DOC2B: variants seen among roughly 807,000 people sequenced by gnomAD.
The protein encoded by DOC2B is double C2 domain beta, also known as double C2-like domain-containing protein beta.
In DOC2B, 21 loss-of-function variants were observed where a neutral mutation model predicts 28.9. That is an observed-to-expected ratio of 0.73 (90% CI 0.52 to 1.05). The LOEUF is 1.05. Among genes scored for constraint, DOC2B ranks in the 50% least tolerant of loss-of-function variants. The pLI is 0.00. For synonymous variants in DOC2B, 194 were observed against 178.1 expected, an observed-to-expected ratio of 1.09 and a Z score of -0.71; for missense variants, 384 against 421.1, an observed-to-expected ratio of 0.91 and a Z score of 0.77.
At chr17:165,614 G>A (rs144220793) in intron 2 of DOC2B, among the ~76,000 whole-genome samples, 2,314 of 152,298 alleles carry the variant, frequency 0.015, 72 homozygotes, top group African/African-American at 0.053. Context: ...CTGCACGCCA[G>A]GCCCCCGTGA....
chr17:147,095 G>A lies in DOC2B; in HGVS notation c.*346C>T, dbSNP rs906304502. On this transcript the variant is annotated 3_prime_UTR_variant, in exon 9 of 9. Transcript: ENST00000613549. ...CTCTGTTCCCACTGTCCGCCAAGGC[G>A]CCCCCACACTCCTGTCCTCTCAGCC... is the stretch of plus-strand genomic sequence containing the variant. 449 of 220,752 alleles carry A rather than the reference G, an allele frequency of 2.0e-3. 2 individuals are homozygous for A. Among genetic ancestry groups the A allele is most frequent in the African/African-American group, 9.2e-3 (407 of 44,156 alleles). The allele number at this position is 220,752 out of a possible 1,614,324, so 13.7% of individuals were successfully genotyped here.
chr17:161,414 C>T lies in DOC2B; in HGVS notation c.765+1G>A. 1 of 1,551,666 alleles carries T rather than the reference C, an allele frequency of 6.4e-7. No individual in the cohort carries two copies. The highest frequency in any genetic ancestry group is 8.7e-7 in the Non-Finnish European group (1 of 1,146,970). On this transcript the variant is annotated splice_donor_variant, in intron 5 of 8. Transcript: ENST00000613549. LOFTEE classifies it high-confidence loss of function. Reference sequence around the variant, plus strand: ...AGCAGGTGCTCAATCAATCCTCTCACCGGCAGCTGCTTCTCCAGGCAGATG... The same window carrying T: ...AGCAGGTGCTCAATCAATCCTCTCATCGGCAGCTGCTTCTCCAGGCAGATG...
intron 3 of DOC2B, among the ~76,000 whole-genome samples, chr17:163,239 T>G (rs1441135562): frequency 6.6e-6 from 1 of 152,154 alleles, no homozygotes; most frequent in African/African-American, 2.4e-5. Flanking sequence ...CCCTCGGCCC[T>G]CATATCCCTG....
chr17:151,721 G>T (rs888680911), intron 6 of DOC2B, among the ~76,000 whole-genome samples: 2 of 152,224 alleles, frequency 1.3e-5, no homozygotes, highest in African/African-American at 4.8e-5. Flanking sequence ...GGGACAGAAG[G>T]GTCCTGCGTG....
At position 156,091 on chromosome 17, in the gene DOC2B, G is replaced by A. The variant is rs1054430425; in HGVS notation, c.923+129C>T. 24 of 1,062,696 alleles carry A rather than the reference G, an allele frequency of 2.3e-5. No homozygotes were observed. The African/African-American group carries it at 3.9e-4, about 17-fold the overall frequency. The allele number at this position is 1,062,696 out of a possible 1,614,324, so 65.8% of individuals were successfully genotyped here. ...CTGGAGTTGCCAAGGTAGCCCATCA[G>A]GGAACACAGCGCCCCTGTACCTCAG... On this transcript the variant is annotated intron_variant, in intron 6 of 8. Coordinates refer to ENST00000613549, the MANE Select transcript of DOC2B (RefSeq NM_003585.5).
chr17:169,294 C>T (rs2040285119), intron 2 of DOC2B, among the ~76,000 whole-genome samples: 1 of 151,880 alleles, frequency 6.6e-6, no homozygotes, highest in African/African-American at 2.4e-5. Context: ...CATGAGGTCC[C>T]TAGAATAGTC....
intron 2 of DOC2B, among the ~76,000 whole-genome samples, chr17:170,046 G>A (rs2040294121): frequency 6.6e-6 from 1 of 152,238 alleles, no homozygotes; most frequent in Non-Finnish European, 1.5e-5. Context: ...TGTCTGGCAT[G>A]GAGAGAGGAA....
chr17:154,919 G>A (rs996558924), intron 6 of DOC2B, among the ~76,000 whole-genome samples: 5 of 152,030 alleles, frequency 3.3e-5, no homozygotes, highest in East Asian at 3.9e-4. Context: ...TAGTAGAGAC[G>A]GGTTTCCCCA....
In DOC2B at chr17:145,124, G is replaced by C. The variant is rs1452734869; in HGVS notation, c.*2317C>G. On this transcript the variant is annotated 3_prime_UTR_variant, in exon 9 of 9. Coordinates refer to ENST00000613549, the MANE Select transcript of DOC2B (RefSeq NM_003585.5). The stretch of plus-strand genomic sequence containing the variant: ...GCTAGGGTGGGGTGGCTGAGTTTTG[G>C]GGCCAGGTTAGACACCTCTGGGGAA... The C allele has an allele frequency of 6.6e-6, 1 of 152,170 alleles. No homozygotes were observed. Among genetic ancestry groups the C allele is most frequent in the African/African-American group, 2.4e-5 (1 of 41,418 alleles). 9.4% of individuals were successfully genotyped at this position (152,170 alleles called of 1,614,324 possible). A position where few individuals can be genotyped will look rare whatever the true frequency, so the allele number is the denominator to read the frequency against.
chr17:165,917 G>T (rs923446798), intron 2 of DOC2B, among the ~76,000 whole-genome samples: 3 of 152,130 alleles, frequency 2.0e-5, no homozygotes, highest in Non-Finnish European at 2.9e-5. Context: ...TTTCCATTTG[G>T]GCCACGTTTC....
intron 6 of DOC2B, among the ~76,000 whole-genome samples, chr17:155,352 C>A (rs1555522291): frequency 6.6e-6 from 1 of 152,164 alleles, no homozygotes; most frequent in Non-Finnish European, 1.5e-5. Context: ...GCCCCTAGAG[C>A]TGTGCCACGA....
chr17:147,150 C>A lies in DOC2B; in HGVS notation c.*291G>T. ...CTGGCCTCTAGAAGGGTCTTTGCTC[C>A]CAGATGGGCGTGTCCCCTTCCCCTG... On this transcript the variant is annotated 3_prime_UTR_variant, in exon 9 of 9. Transcript: ENST00000613549. 2 of 319,312 alleles carry A rather than the reference C, an allele frequency of 6.3e-6. No individual in the cohort carries two copies. The highest frequency in any genetic ancestry group is 1.1e-5 in the Non-Finnish European group (2 of 176,172). The allele number at this position is 319,312 out of a possible 1,614,324, so 19.8% of individuals were successfully genotyped here. A position where few individuals can be genotyped will look rare whatever the true frequency, so the allele number is the denominator to read the frequency against.
chr17:172,082 G>C lies in DOC2B; in HGVS notation c.453+455C>G, dbSNP rs184795546. On this transcript the variant is annotated intron_variant, in intron 2 of 8. Transcript: ENST00000613549. ...CTCAGAGGGCCTCTGGGCTCAGGCC[G>C]TGGACACCCTGCCTGGAGTGGCATC... Among the ~76,000 whole-genome samples, 540 of 152,174 alleles carry C rather than the reference G, an allele frequency of 3.5e-3. 9 individuals are homozygous for C. Among genetic ancestry groups the C allele is most frequent in the African/African-American group, 0.012 (518 of 41,478 alleles).
rs766650216 is a variant in DOC2B, at chr17:156,520, T to C, written c.766-143A>G. On this transcript the variant is annotated intron_variant, in intron 5 of 8. Coordinates refer to ENST00000613549, the MANE Select transcript of DOC2B (RefSeq NM_003585.5). ...CCTGGTGAGTGGCCTCACTGTGAAC[T>C]CACAGCCCTTCTGTCATCTCTTCCC... 30 of 832,706 alleles carry C rather than the reference T, an allele frequency of 3.6e-5. No individual in the cohort carries two copies. In the Middle Eastern group the frequency reaches 1.0e-3, roughly 28 times the overall value. 51.6% of individuals were successfully genotyped at this position (832,706 alleles called of 1,614,324 possible).
intron 1 of DOC2B, among the ~76,000 whole-genome samples, chr17:173,121 G>A (rs547951388): frequency 5.9e-5 from 9 of 152,302 alleles, no homozygotes; most frequent in East Asian, 3.9e-4. Flanking sequence ...TCTCTGGCCC[G>A]TTGGGAACCC....
chr17:172,582 A>G lies in DOC2B; in HGVS notation c.408T>C (p.Tyr136=). ...ALGTLDFSLL[Y]DQENNALHCT... ...AGTGGAGGGCGTTGTTCTCCTGGTC[A>G]TACAGCAGGCTGAAGTCCAGCGTGC... is the stretch of plus-strand genomic sequence containing the variant. The change falls in exon 2 of 9, where the codon TAT becomes TAC. Residue 136 remains tyrosine (Y), a synonymous_variant. Transcript: ENST00000613549. 2 of 1,551,112 alleles carry G rather than the reference A, an allele frequency of 1.3e-6. No individual in the cohort carries two copies. Among genetic ancestry groups the G allele is most frequent in the Non-Finnish European group, 1.7e-6 (2 of 1,146,614 alleles).
chr17:176,750 C>T (rs1323364932), intron 1 of DOC2B, among the ~76,000 whole-genome samples: 3 of 152,168 alleles, frequency 2.0e-5, no homozygotes, highest in African/African-American at 7.2e-5. Context: ...CAGTGCCCTG[C>T]CCTTGGAGCG....
rs1338880264 is a variant in DOC2B, at chr17:156,277, C to T, written c.866G>A (p.Arg289Gln). 7.7e-6 allele frequency: 12 copies of T among 1,551,664 alleles called. No homozygotes were observed. Among genetic ancestry groups the T allele is most frequent in the East Asian group, 2.4e-5 (1 of 40,914 alleles). The change falls in exon 6 of 9, where the codon CGG (arginine) becomes CAG (glutamine). Residue 289 changes from arginine (R) to glutamine (Q), a missense_variant. Physicochemically the swap from Arg to Gln is conservative, Grantham distance 43. Transcript: ENST00000613549. The stretch of plus-strand genomic sequence containing the variant: ...GTCCATGGCGGCCAGGTGGGCGCAC[C>T]GCACGATGCCTACCAGCAGGCCTTG... ...QKQGLLVGIV[R>Q]CAHLAAMDAN...
intron 3 of DOC2B, chr17:163,755 T>C (rs6565704): frequency 0.73 from 149,578 of 204,082 alleles, 56,171 homozygotes; most frequent in East Asian, 0.86. Flanking sequence ...TACAGAAACC[T>C]GTTTAACAAT....
Sources: gnomAD v4.1 joint callset for allele counts (sites outside exome capture counted in the v4.1 genomes callset) on GRCh38, gnomAD v4.1.1 for gene constraint, MANE v1.5 for transcripts, NCBI Gene and HGNC (gene_info 2026-07-23, HGNC 2026-07-21) for gene names.